IGBP1: variants seen among roughly 807,000 people sequenced by gnomAD.
IGBP1 encodes immunoglobulin binding protein 1.
Under a neutral mutation model 25.9 loss-of-function variants are expected in IGBP1, and 2 were observed. The observed-to-expected ratio is 0.08, with a 90% CI of 0.03 to 0.24. IGBP1 has a LOEUF of 0.24. IGBP1 is among the 10% of genes least tolerant of loss of function. The pLI is 1.00. For synonymous variants in IGBP1, 96 were observed against 93.4 expected, an observed-to-expected ratio of 1.03 and a Z score of -0.16; for missense variants, 187 against 260.4, an observed-to-expected ratio of 0.72 and a Z score of 1.94.
chrX:70,160,057 G>A (rs1368444488), intron 6 of IGBP1, among the ~76,000 whole-genome samples: 1 of 110,969 alleles, frequency 9.0e-6, no homozygotes, highest in Admixed American at 9.5e-5. Flanking sequence ...TTCCCTGGGG[G>A]GTCCAGGGAC....
chrX:70,134,109 A>G lies in IGBP1; in HGVS notation c.162A>G (p.Glu54=). ...KGLDLLEKAA[E]MLSQLDLFSR... is the part of the protein sequence containing the mutation. ...TGGACCTCCTTGAGAAGGCTGCCGA[A>G]ATGTTATCGCAGCTCGACTTGTTCA... The change falls in exon 2 of 7, where the codon GAA becomes GAG. Residue 54 remains glutamate, a synonymous_variant. Transcript: ENST00000356413. The G allele has an allele frequency of 2.5e-6, 3 of 1,211,468 alleles. No homozygotes were observed. Among genetic ancestry groups the G allele is most frequent in the Non-Finnish European group, 3.4e-6 (3 of 894,876 alleles).
intron 3 of IGBP1, among the ~76,000 whole-genome samples, chrX:70,136,169 C>T (rs2085093566): frequency 9.0e-6 from 1 of 111,495 alleles, no homozygotes; most frequent in Admixed American, 9.6e-5. Context: ...GTTATTTAAC[C>T]TAACTGAGCC....
At chrX:70,156,630 G>T (rs183644349) in intron 6 of IGBP1, among the ~76,000 whole-genome samples, 55 of 112,422 alleles carry the variant, frequency 4.9e-4, no homozygotes, top group Non-Finnish European at 9.6e-4. Context: ...CAAGAGATCT[G>T]TTATACAGCA....
At chrX:70,159,494 G>A (rs183609981) in intron 6 of IGBP1, among the ~76,000 whole-genome samples, 1 of 111,466 alleles carries the variant, frequency 9.0e-6, no homozygotes, top group African/African-American at 3.3e-5. Context: ...GGGTGCTCAG[G>A]GTGGCTGTGG....
intron 3 of IGBP1, among the ~76,000 whole-genome samples, chrX:70,138,442 T>C (rs1257475372): frequency 2.0e-5 from 2 of 101,071 alleles, no homozygotes; most frequent in Non-Finnish European, 4.0e-5. Context: ...GATCGCACCA[T>C]TGTATTCCAG....
intron 6 of IGBP1, among the ~76,000 whole-genome samples, chrX:70,160,928 A>G (rs1268381240): frequency 8.9e-6 from 1 of 112,118 alleles, no homozygotes; most frequent in East Asian, 2.8e-4. Context: ...TTTGAGAACT[A>G]GGACTTTTAA....
chrX:70,155,111 C>T (rs1378976132), intron 6 of IGBP1, among the ~76,000 whole-genome samples: 2 of 111,991 alleles, frequency 1.8e-5, no homozygotes, highest in African/African-American at 6.5e-5. Context: ...AATAAACCTT[C>T]GAATTAGAAG....
intron 2 of IGBP1, 95 bp from the exon 3 acceptor site, chrX:70,134,428 A>G (rs113646480): frequency 5.3e-6 from 5 of 941,310 alleles, no homozygotes; most frequent in East Asian, 3.3e-5. Context: ...CCTCTGGTCC[A>G]CTCCCAGCCC....
chrX:70,145,421 C>A, intron 3 of IGBP1, among the ~76,000 whole-genome samples: 1 of 111,342 alleles, frequency 9.0e-6, no homozygotes, highest in South Asian at 3.8e-4. Flanking sequence ...CTCTTAGTTG[C>A]TTTCCCTGCT....
At chrX:70,143,407 A>C (rs987903731) in intron 3 of IGBP1, among the ~76,000 whole-genome samples, 1 of 112,560 alleles carries the variant, frequency 8.9e-6, no homozygotes, top group Non-Finnish European at 1.9e-5. Flanking sequence ...TGTGATGGTG[A>C]TAATAGTCTT....
rs755994383 is a variant in IGBP1 at position 70,134,770 on chromosome X, C to T, written c.436C>T (p.Pro146Ser). Residue 146 changes from proline (P) to serine (S), a missense_variant, in exon 3 of 7, where the codon CCT becomes TCT. Physicochemically the swap from Pro to Ser is moderately conservative, Grantham distance 74. Coordinates refer to ENST00000356413, the MANE Select transcript of IGBP1 (RefSeq NM_001551.3). ...CACTGCCAATTCCTCCATGGCTTATCCTAGTCTCGTTGCTATGGCATCTCA... is the reference window on the plus strand; with the variant it reads ...CACTGCCAATTCCTCCATGGCTTATTCTAGTCTCGTTGCTATGGCATCTCA... ...NHTANSSMAY[P>S]SLVAMASQRQ... 2.5e-6 allele frequency: 3 copies of T among 1,211,634 alleles called. No homozygotes were observed. Among genetic ancestry groups the T allele is most frequent in the South Asian group, 1.8e-5 (1 of 57,029 alleles).
intron 6 of IGBP1, among the ~76,000 whole-genome samples, chrX:70,152,742 T>G (rs1411954338): frequency 8.9e-6 from 1 of 112,164 alleles, no homozygotes; most frequent in African/African-American, 3.2e-5. Flanking sequence ...AATACCAGAT[T>G]GTTGCTGACA....
intron 4 of IGBP1, 154 bp from the exon 5 acceptor site, chrX:70,148,607 C>T (rs2085181912): frequency 2.0e-6 from 1 of 488,652 alleles, no homozygotes. Context: ...GAATCTCTAC[C>T]GTTAGTGTTC....
chrX:70,144,890 C>T (rs601983), intron 3 of IGBP1, among the ~76,000 whole-genome samples: 12,706 of 107,278 alleles, frequency 0.12, 637 homozygotes, highest in South Asian at 0.27. Flanking sequence ...GATCTCCTGA[C>T]CTCATGATGC....
intron 6 of IGBP1, among the ~76,000 whole-genome samples, chrX:70,164,479 A>G: frequency 8.9e-6 from 1 of 112,213 alleles, no homozygotes; most frequent in Non-Finnish European, 1.9e-5. Context: ...TTGTGGTGAT[A>G]GTTGCACAAC....
intron 3 of IGBP1, among the ~76,000 whole-genome samples, chrX:70,141,920 G>T (rs750066795): frequency 9.0e-6 from 1 of 110,646 alleles, no homozygotes; most frequent in African/African-American, 3.3e-5. Context: ...TAAAAAAAAG[G>T]GGGGGGGCTC....
At chrX:70,162,197 G>A (rs191150160) in intron 6 of IGBP1, among the ~76,000 whole-genome samples, 161 of 111,536 alleles carry the variant, frequency 1.4e-3, no homozygotes, top group Middle Eastern at 0.014. Context: ...AGGTCATCGA[G>A]GTTATTATCA....
intron 1 of IGBP1, 38 bp downstream of exon 1, chrX:70,133,578 G>A (rs146626232): frequency 0.016 from 5,931 of 379,563 alleles, 288 homozygotes; most frequent in African/African-American, 0.14. Context: ...AAACGCACTC[G>A]CTCGTCCGCA....
At chrX:70,155,220 A>G (rs1399296359) in intron 6 of IGBP1, among the ~76,000 whole-genome samples, 1 of 112,219 alleles carries the variant, frequency 8.9e-6, no homozygotes, top group African/African-American at 3.2e-5. Flanking sequence ...AAGAAAAGAT[A>G]TATAGGTGGC....
Sources: allele counts gnomAD v4.1 joint callset (sites outside exome capture counted in the v4.1 genomes callset), GRCh38; gene constraint gnomAD v4.1.1; transcripts MANE v1.5; gene names NCBI Gene and HGNC (gene_info 2026-07-23, HGNC 2026-07-21).